Variants in ADCY2 observed in about 807,000 individuals in gnomAD.
ADCY2 encodes adenylate cyclase type 2.
Under a neutral mutation model 125.2 loss-of-function variants are expected in ADCY2, and 31 were observed. The observed-to-expected ratio is 0.25, with a 90% CI of 0.19 to 0.33. The LOEUF (loss-of-function observed/expected upper bound fraction) is 0.33, where lower values mean the gene tolerates loss of function less well. Among genes scored for constraint, ADCY2 ranks in the 10% least tolerant of loss-of-function variants. ADCY2 has a pLI of 1.00. For missense variants in ADCY2, 904 were observed against 1,418.2 expected (o/e 0.64, Z 5.82); for synonymous variants, 512 against 548.4 (o/e 0.93, Z 0.93).
At chr5:7,707,924 T>A in intron 9 of ADCY2, 86 bp downstream of exon 9, 1 of 1,427,658 alleles carries the variant, frequency 7.0e-7, no homozygotes, top group Admixed American at 2.1e-5. Flanking sequence ...CAATATCCAA[T>A]ATAATTCTTT....
intron 24 of ADCY2, 89 bp downstream of exon 24, chr5:7,820,778 T>G: frequency 1.4e-6 from 2 of 1,396,358 alleles, no homozygotes; most frequent in Non-Finnish European, 1.9e-6. Context: ...TACTAATATA[T>G]TAAAACAAAG....
At chr5:7,497,928 T>C (rs1039696231) in intron 2 of ADCY2, among the ~76,000 whole-genome samples, 5 of 152,172 alleles carry the variant, frequency 3.3e-5, no homozygotes, top group South Asian at 4.1e-4. Context: ...AGGGTGTCCA[T>C]TGAATAAGTG....
intron 14 of ADCY2, among the ~76,000 whole-genome samples, chr5:7,738,898 C>T (rs1452957074): frequency 6.6e-6 from 1 of 151,766 alleles, no homozygotes; most frequent in Non-Finnish European, 1.5e-5. Context: ...ACTTAACCTA[C>T]AGTAGACCAT....
intron 1 of ADCY2, among the ~76,000 whole-genome samples, chr5:7,397,727 A>C (rs1384976521): frequency 6.6e-6 from 1 of 152,022 alleles, no homozygotes; most frequent in Non-Finnish European, 1.5e-5. Context: ...CCCCCACACC[A>C]CTCAATGGTA....
chr5:7,690,645 C>A (rs551729133), intron 4 of ADCY2, 46 bp from the exon 5 acceptor site: 1 of 1,460,918 alleles, frequency 6.8e-7, no homozygotes, highest in East Asian at 2.5e-5. Context: ...GGTCATCCCC[C>A]GAGGTGTCTG....
At chr5:7,417,250 G>GTTGTT (rs1467344006) in intron 2 of ADCY2, among the ~76,000 whole-genome samples, 1 of 151,788 alleles carries the variant, frequency 6.6e-6, no homozygotes, top group Non-Finnish European at 1.5e-5. Flanking sequence ...AAGTCTTTTT[G>GTTGTT]TTGTTTTATA....
At chr5:7,657,430 A>G (rs1739377429) in intron 4 of ADCY2, among the ~76,000 whole-genome samples, 1 of 152,172 alleles carries the variant, frequency 6.6e-6, no homozygotes, top group Non-Finnish European at 1.5e-5. Context: ...GGGAATAAAT[A>G]TGTGCTATGA....
chr5:7,637,943 C>T (rs1338678237), intron 4 of ADCY2, among the ~76,000 whole-genome samples: 1 of 152,176 alleles, frequency 6.6e-6, no homozygotes, highest in Non-Finnish European at 1.5e-5. Context: ...CTAGGAGCTT[C>T]TCCTCCAGGT....
chr5:7,819,014 C>T (rs547704825), intron 23 of ADCY2, among the ~76,000 whole-genome samples: 1 of 152,280 alleles, frequency 6.6e-6, no homozygotes, highest in East Asian at 1.9e-4. Flanking sequence ...GAAGCCAGTC[C>T]GAGTCCCAAA....
At chr5:7,806,752 C>A (rs1744773272) in intron 22 of ADCY2, among the ~76,000 whole-genome samples, 1 of 152,204 alleles carries the variant, frequency 6.6e-6, no homozygotes, top group Non-Finnish European at 1.5e-5. Flanking sequence ...GTACAGTCAC[C>A]TGGGAGGTTA....
intron 1 of ADCY2, among the ~76,000 whole-genome samples, chr5:7,405,261 T>A (rs911717233): frequency 2.0e-5 from 3 of 152,160 alleles, no homozygotes; most frequent in Middle Eastern, 3.2e-3. Flanking sequence ...TCAATTAACT[T>A]GTGCTGTGTA....
At chr5:7,707,569 G>A (rs1055798573) in intron 8 of ADCY2, 137 bp from the exon 9 acceptor site, 2 of 1,018,204 alleles carry the variant, frequency 2.0e-6, no homozygotes, top group African/African-American at 3.3e-5. Context: ...GTGGTCAATA[G>A]AATATAAACT....
intron 3 of ADCY2, among the ~76,000 whole-genome samples, chr5:7,531,190 G>C (rs12514108): frequency 0.2 from 30,489 of 152,026 alleles, 3,413 homozygotes; most frequent in South Asian, 0.34. Context: ...ATAGAGAGCT[G>C]GTTATCTTAG....
intron 2 of ADCY2, among the ~76,000 whole-genome samples, chr5:7,496,713 T>C (rs940961651): frequency 2.0e-5 from 3 of 152,146 alleles, no homozygotes; most frequent in African/African-American, 7.2e-5. Context: ...AGAGACTCAA[T>C]TGAAAACCAC....
At chr5:7,792,864 G>A (rs928578936) in intron 20 of ADCY2, among the ~76,000 whole-genome samples, 21 of 152,324 alleles carry the variant, frequency 1.4e-4, no homozygotes, top group African/African-American at 4.3e-4. Context: ...CCAGTTGCTG[G>A]AGGCAGGCTG....
intron 4 of ADCY2, among the ~76,000 whole-genome samples, chr5:7,643,462 C>G (rs191809638): frequency 1.3e-5 from 2 of 151,942 alleles, no homozygotes; most frequent in Non-Finnish European, 2.9e-5. Context: ...TTTCTGATAT[C>G]CAGAGATACC....
chr5:7,782,699 C>T (rs1413401929), intron 18 of ADCY2, among the ~76,000 whole-genome samples: 1 of 152,204 alleles, frequency 6.6e-6, no homozygotes. Flanking sequence ...CCTACATTAG[C>T]TTCGTAGGAT....
chr5:7,640,323 T>C (rs1339704664), intron 4 of ADCY2, among the ~76,000 whole-genome samples: 1 of 152,154 alleles, frequency 6.6e-6, no homozygotes, highest in African/African-American at 2.4e-5. Flanking sequence ...TAAAGAGGCA[T>C]TTAGATCATG....
chr5:7,811,427 G>A (rs1409785490), intron 22 of ADCY2, among the ~76,000 whole-genome samples: 2 of 151,828 alleles, frequency 1.3e-5, no homozygotes, highest in Non-Finnish European at 2.9e-5. Context: ...TGTGAACCCG[G>A]GAGGCGGAGC....
Sources: gnomAD v4.1 joint callset for allele counts (sites outside exome capture counted in the v4.1 genomes callset) on GRCh38, gnomAD v4.1.1 for gene constraint, MANE v1.5 for transcripts, NCBI Gene and HGNC (gene_info 2026-07-23, HGNC 2026-07-21) for gene names.